MYO1H: variants seen among roughly 807,000 people sequenced by gnomAD.
MYO1H encodes the protein myosin IH.
In MYO1H, 118 loss-of-function variants were observed where a neutral mutation model predicts 149.3. That is an observed-to-expected ratio of 0.79 (90% confidence interval 0.68 to 0.92). The LOEUF (loss-of-function observed/expected upper bound fraction) is 0.92. Among genes scored for constraint, MYO1H ranks in the 40% least tolerant of loss-of-function variants. The pLI, the probability that MYO1H is intolerant of heterozygous loss-of-function variation, is 0.00. For missense variants in MYO1H, 1,212 were observed against 1,280.7 expected, an observed-to-expected ratio of 0.95 and a Z score of 0.82; for synonymous variants, 447 against 465.2, an observed-to-expected ratio of 0.96 and a Z score of 0.50.
intron 1 of MYO1H, among the ~76,000 whole-genome samples, chr12:109,363,386 T>G (rs568801044): frequency 6.6e-6 from 1 of 152,268 alleles, no homozygotes; most frequent in Non-Finnish European, 1.5e-5. Flanking sequence ...TCCAGAAATC[T>G]AGCTGTGTCT....
chr12:109,424,670 C>T (rs951160365), intron 16 of MYO1H, 78 bp from the exon 17 acceptor site: 1 of 1,109,154 alleles, frequency 9.0e-7, no homozygotes, highest in Non-Finnish European at 1.3e-6. Flanking sequence ...GCTTCATGCA[C>T]ACTCTGTGAG....
intron 1 of MYO1H, among the ~76,000 whole-genome samples, chr12:109,352,750 T>C (rs73190677): frequency 0.033 from 5,002 of 152,318 alleles, 117 homozygotes; most frequent in Middle Eastern, 0.065. Context: ...TTTGGGGGGA[T>C]AGATTTCAAA....
chr12:109,357,713 CCA>C, intron 1 of MYO1H, among the ~76,000 whole-genome samples: 1 of 116,262 alleles, frequency 8.6e-6, no homozygotes, highest in Admixed American at 8.6e-5. Flanking sequence ...TTTCTCCCAA[CCA>C]TTTCTCATGC....
chr12:109,382,387 T>C (rs768977929), intron 1 of MYO1H, among the ~76,000 whole-genome samples: 10 of 152,070 alleles, frequency 6.6e-5, no homozygotes, highest in Non-Finnish European at 1.3e-4. Flanking sequence ...TATGAATAAA[T>C]TGCAAGAAAG....
At chr12:109,317,020 A>G in the MYO1H span, among the ~76,000 whole-genome samples, 2 of 152,238 alleles carry the variant, frequency 1.3e-5, no homozygotes, top group East Asian at 1.9e-4. Flanking sequence ...TATCAAAACC[A>G]TACCTGCAGA....
rs61941566 is a variant in MYO1H, at chr12:109,437,146, A to G, written c.2209+590A>G. On this transcript the variant is annotated intron_variant, in intron 22 of 31. Transcript: ENST00000310903. ...TAATTTTTGAAAAAGTTTCAAACAT[A>G]CAAGTACCCTTGAAGCCCTTCCATT... is the stretch of plus-strand genomic sequence containing the variant. 9.1e-3 allele frequency among the ~76,000 whole-genome samples: 1,379 copies of G among 152,252 alleles called. 18 individuals are homozygous for G. Among genetic ancestry groups the G allele is most frequent in the Non-Finnish European group, 0.015 (995 of 68,022 alleles).
rs941261679 is a variant in MYO1H at position 109,388,548 on chromosome 12, C to T, written c.13-135C>T. 6 of 748,266 alleles carry T rather than the reference C, an allele frequency of 8.0e-6. No homozygotes were observed. The Admixed American group carries it at 1.9e-4, about 24-fold the overall frequency. 46.4% of individuals were successfully genotyped at this position (748,266 alleles called of 1,614,324 possible). A position where few individuals can be genotyped will look rare whatever the true frequency, so the allele number is the denominator to read the frequency against. ...TGTATCCCCAACCATATTGTAAACT[C>T]TAAGTGAAGACGGCATAATTTAATG... On this transcript the variant is annotated intron_variant, in intron 1 of 31. Coordinates refer to ENST00000310903, the Ensembl canonical transcript of MYO1H.
At chr12:109,432,861 C>A (rs577979468) in intron 19 of MYO1H, 36 bp from the exon 20 acceptor site, 19 of 1,567,122 alleles carry the variant, frequency 1.2e-5, no homozygotes, top group Admixed American at 8.3e-5. Context: ...GAGGAAGGTA[C>A]GGTCACAGCT....
In MYO1H at chr12:109,441,589, T is replaced by G. The variant is rs772103573; in HGVS notation, c.2539-26T>G. The G allele has an allele frequency of 5.8e-6, 9 of 1,546,468 alleles. No individual in the cohort carries two copies. The South Asian group carries it at 1.0e-4, about 18-fold the overall frequency. ...CCAAAGAAGCCTGTGGCTACCATTT[T>G]TATACTTTCAATTGTGTATTACCAG... On this transcript the variant is annotated intron_variant, in intron 25 of 31. Transcript: ENST00000310903.
intron 7 of MYO1H, among the ~76,000 whole-genome samples, chr12:109,404,737 C>A (rs1287784588): frequency 6.6e-6 from 1 of 151,982 alleles, no homozygotes; most frequent in East Asian, 1.9e-4. Flanking sequence ...CCAGTCTCAA[C>A]AATTTAGGTG....
chr12:109,319,330 AAGGC>A, the MYO1H span, among the ~76,000 whole-genome samples: 1 of 152,212 alleles, frequency 6.6e-6, no homozygotes, highest in Non-Finnish European at 1.5e-5. Context: ...AGTCACAAAA[AAGGC>A]AGACTGCATT....
At chr12:109,367,203 A>G (rs1868882625) in intron 1 of MYO1H, among the ~76,000 whole-genome samples, 1 of 152,230 alleles carries the variant, frequency 6.6e-6, no homozygotes, top group African/African-American at 2.4e-5. Flanking sequence ...AAATGGGGAA[A>G]AATATTCACA....
At chr12:109,364,714 G>A (rs752019310) in intron 1 of MYO1H, among the ~76,000 whole-genome samples, 4 of 152,072 alleles carry the variant, frequency 2.6e-5, no homozygotes, top group Non-Finnish European at 5.9e-5. Context: ...GATAATTTTT[G>A]TAATTGCTTA....
chr12:109,381,656 C>T, intron 1 of MYO1H, among the ~76,000 whole-genome samples: 1 of 151,380 alleles, frequency 6.6e-6, no homozygotes, highest in East Asian at 1.9e-4. Flanking sequence ...AATACAAAAT[C>T]TTAGTTGGGT....
intron 24 of MYO1H, chr12:109,440,506 T>C (rs925566509): frequency 8.5e-6 from 4 of 472,178 alleles, no homozygotes; most frequent in Admixed American, 3.6e-5. Context: ...AATCTCATTA[T>C]AGCCAGTTCT....
intron 1 of MYO1H, among the ~76,000 whole-genome samples, chr12:109,382,073 A>G (rs1309891223): frequency 1.3e-5 from 2 of 152,234 alleles, no homozygotes; most frequent in African/African-American, 2.4e-5. Context: ...AGATGGTTTG[A>G]TAGAACTGGA....
intron 27 of MYO1H, 55 bp downstream of exon 27, chr12:109,442,327 G>C: frequency 2.6e-6 from 4 of 1,525,620 alleles, no homozygotes; most frequent in Non-Finnish European, 3.6e-6. Context: ...GAGTCTAAGA[G>C]CAGGGTCCCC....
the MYO1H span, among the ~76,000 whole-genome samples, chr12:109,310,611 G>GTT: frequency 6.9e-4 from 101 of 147,442 alleles, no homozygotes; most frequent in South Asian, 6.3e-3. Context: ...ACCTGTGACT[G>GTT]TTTTTTTTTT....
chr12:109,319,059 C>T, the MYO1H span, among the ~76,000 whole-genome samples: 11 of 133,404 alleles, frequency 8.2e-5, no homozygotes, highest in African/African-American at 3.0e-4. Flanking sequence ...GAAAATGATA[C>T]ATCCATGTTC....
Sources: allele counts gnomAD v4.1 joint callset (sites outside exome capture counted in the v4.1 genomes callset), GRCh38; gene constraint gnomAD v4.1.1; transcripts MANE v1.5; gene names NCBI Gene and HGNC (gene_info 2026-07-23, HGNC 2026-07-21).